The following ATRNL1 variants were observed in gnomAD, a reference collection of about 807,000 sequenced individuals.
ATRNL1 encodes attractin like 1.
A neutral mutation model predicts 182.7 loss-of-function variants in ATRNL1; 95 were observed. The observed-to-expected ratio is 0.52, with a 90% CI of 0.44 to 0.62. ATRNL1 has a LOEUF of 0.62. Among genes scored for constraint, ATRNL1 ranks in the 20% least tolerant of loss-of-function variants. The pLI is 0.00. For synonymous variants in ATRNL1, 576 were observed against 568.3 expected (o/e 1.01, Z -0.19); for missense variants, 1,471 against 1,679.5 (o/e 0.88, Z 2.17).
intron 26 of ATRNL1, among the ~76,000 whole-genome samples, chr10:115,700,194 A>C (rs1405559892): frequency 2.0e-5 from 3 of 152,098 alleles, no homozygotes; most frequent in African/African-American, 4.8e-5. Context: ...TTTCTTTTGG[A>C]TATATACCCA....
intron 26 of ATRNL1, among the ~76,000 whole-genome samples, chr10:115,678,544 G>A (rs1484443875): frequency 4.0e-5 from 6 of 151,894 alleles, no homozygotes; most frequent in Non-Finnish European, 5.9e-5. Flanking sequence ...TTCTGTTTTG[G>A]GAAACAGTTT....
chr10:115,532,065 T>G (rs1851624599), intron 25 of ATRNL1, among the ~76,000 whole-genome samples: 1 of 151,416 alleles, frequency 6.6e-6, no homozygotes, highest in Non-Finnish European at 1.5e-5. Context: ...GGTAGTGTGA[T>G]GCCTCCAGCT....
intron 28 of ATRNL1, among the ~76,000 whole-genome samples, chr10:115,858,152 A>C (rs1307496785): frequency 1.3e-5 from 2 of 152,210 alleles, no homozygotes; most frequent in Non-Finnish European, 2.9e-5. Flanking sequence ...AAAGATTTAG[A>C]ACTGGAAATA....
chr10:115,439,115 A>G (rs1846542648), intron 21 of ATRNL1, among the ~76,000 whole-genome samples: 1 of 151,960 alleles, frequency 6.6e-6, no homozygotes. Context: ...AAGAGAAAAT[A>G]TATTTAGTAT....
chr10:115,093,523 A>G lies in ATRNL1; in HGVS notation c.-228A>G. The G allele has an allele frequency of 3.0e-6, 2 of 670,356 alleles. No homozygotes were observed. The highest frequency in any genetic ancestry group is 5.4e-6 in the Non-Finnish European group (2 of 369,518). The allele number at this position is 670,356 out of a possible 1,614,324, so 41.5% of individuals were successfully genotyped here. On this transcript the variant is annotated 5_prime_UTR_variant, in exon 1 of 29. Coordinates refer to ENST00000355044, the MANE Select transcript of ATRNL1 (RefSeq NM_207303.4). The surrounding 1 kb of genome is among the most constrained non-coding windows in gnomAD (Gnocchi z 6.1). ...GCTGTGGGGTCGGCCCGCTAAGGAC[A>G]AGGTCGGGAGACTGGGTGGCGATGC...
intron 26 of ATRNL1, among the ~76,000 whole-genome samples, chr10:115,696,024 G>A (rs1946546644): frequency 6.6e-6 from 1 of 151,664 alleles, no homozygotes; most frequent in Non-Finnish European, 1.5e-5. Flanking sequence ...TCAGCCTCCT[G>A]AGTAGCTGGG....
chr10:115,906,847 A>G (rs1216844251), intron 28 of ATRNL1, among the ~76,000 whole-genome samples: 3 of 152,144 alleles, frequency 2.0e-5, no homozygotes, highest in African/African-American at 7.2e-5. Flanking sequence ...AGAAACCTAT[A>G]TATAAAACTA....
intron 27 of ATRNL1, among the ~76,000 whole-genome samples, chr10:115,826,493 C>T (rs1237223731): frequency 3.9e-5 from 6 of 152,196 alleles, no homozygotes; most frequent in South Asian, 4.2e-4. Flanking sequence ...CATAGTTTGG[C>T]GTATGGGAAA....
chr10:115,448,256 G>A (rs1565053960), intron 21 of ATRNL1, among the ~76,000 whole-genome samples: 1 of 151,906 alleles, frequency 6.6e-6, no homozygotes, highest in Non-Finnish European at 1.5e-5. Flanking sequence ...TTGCTACATG[G>A]CACCTACCCT....
At chr10:115,313,147 G>T (rs1554928464) in intron 17 of ATRNL1, among the ~76,000 whole-genome samples, 1 of 150,588 alleles carries the variant, frequency 6.6e-6, no homozygotes, top group Non-Finnish European at 1.5e-5. Context: ...ATTTCATCTT[G>T]GTTTGGATCT....
At chr10:115,665,760 A>G (rs1358105556) in intron 26 of ATRNL1, among the ~76,000 whole-genome samples, 35 of 152,290 alleles carry the variant, frequency 2.3e-4, no homozygotes, top group South Asian at 4.1e-4. Flanking sequence ...AAGAGTCATT[A>G]TCTAGAAAGA....
intron 27 of ATRNL1, among the ~76,000 whole-genome samples, chr10:115,788,032 C>A (rs2134204777): frequency 6.6e-6 from 1 of 152,266 alleles, no homozygotes; most frequent in East Asian, 1.9e-4. Context: ...TTTGTGTAAT[C>A]TGTTACAGCA....
chr10:115,230,870 TGAGA>T (rs1169884107), intron 9 of ATRNL1, among the ~76,000 whole-genome samples: 3,902 of 83,180 alleles, frequency 0.047, 42 homozygotes, highest in East Asian at 0.085. Flanking sequence ...ATAGAGTGGA[TGAGA>T]GAGAGAGAGA....
intron 27 of ATRNL1, among the ~76,000 whole-genome samples, chr10:115,767,787 C>T (rs1555075391): frequency 6.6e-6 from 1 of 152,120 alleles, no homozygotes; most frequent in Non-Finnish European, 1.5e-5. Flanking sequence ...TGTTATTGGT[C>T]AGTTTAACTT....
rs74161604 is a variant in ATRNL1 at position 115,614,705 on chromosome 10, C to T, written c.3795+65169C>T. Among the ~76,000 whole-genome samples, 423 of 151,164 alleles carry T rather than the reference C, an allele frequency of 2.8e-3. 1 individual carries two copies. Among genetic ancestry groups the T allele is most frequent in the African/African-American group, 9.4e-3 (387 of 41,312 alleles). On this transcript the variant is annotated intron_variant, in intron 26 of 28. Coordinates refer to ENST00000355044, the MANE Select transcript of ATRNL1 (RefSeq NM_207303.4). The stretch of plus-strand genomic sequence containing the variant: ...CTTTATACATCTGTGTGCTCCAGTG[C>T]GTGTGTGTGTGTGTGCATATTTACA...
At chr10:115,918,953 C>T (rs548048119) in intron 28 of ATRNL1, among the ~76,000 whole-genome samples, 70 of 152,080 alleles carry the variant, frequency 4.6e-4, no homozygotes, top group South Asian at 1.2e-3. Flanking sequence ...AACTAGCAAA[C>T]CTAAGAACTT....
intron 8 of ATRNL1, among the ~76,000 whole-genome samples, chr10:115,182,710 A>G (rs79642518): frequency 0.012 from 1,875 of 151,512 alleles, 33 homozygotes; most frequent in African/African-American, 0.042. Flanking sequence ...TCAAAACATT[A>G]TACAAGAATA....
chr10:115,903,207 G>C (rs57235740), intron 28 of ATRNL1, among the ~76,000 whole-genome samples: 2 of 152,066 alleles, frequency 1.3e-5, no homozygotes, highest in African/African-American at 4.8e-5. Context: ...TTAAAATATT[G>C]ATACATTCAT....
rs191858646 is a variant in ATRNL1, at chr10:115,189,746, A to C, written c.1348+18454A>C. Among the ~76,000 whole-genome samples, 933 of 152,186 alleles carry C rather than the reference A, an allele frequency of 6.1e-3. 1 individual carries two copies. The highest frequency in any genetic ancestry group is 0.011 in the Non-Finnish European group (719 of 67,984). ...AGGTTAATTTATTATTGAAGGAAGA[A>C]AAATATTTTAAAAAATTTAGTGTTG... On this transcript the variant is annotated intron_variant, in intron 8 of 28. Coordinates refer to ENST00000355044, the MANE Select transcript of ATRNL1 (RefSeq NM_207303.4).
Sources: allele counts gnomAD v4.1 joint callset (sites outside exome capture counted in the v4.1 genomes callset), GRCh38; gene constraint gnomAD v4.1.1; non-coding constraint Gnocchi (gnomAD v3.1); transcripts MANE v1.5; gene names NCBI Gene and HGNC (gene_info 2026-07-23, HGNC 2026-07-21).